The following DNAH3 variants were observed in gnomAD, a reference collection of about 807,000 sequenced individuals.
DNAH3 encodes the protein dynein axonemal heavy chain 3, also known as axonemal beta dynein heavy chain 3.
In DNAH3, 332 loss-of-function variants were observed where a neutral mutation model predicts 432.5. That is an observed-to-expected ratio of 0.77 (90% CI 0.70 to 0.84). The LOEUF (loss-of-function observed/expected upper bound fraction) is 0.84. DNAH3 is among the 40% of genes least tolerant of loss of function. The pLI, the probability that DNAH3 is intolerant of heterozygous loss-of-function variation, is 0.00. For synonymous variants in DNAH3, 1,956 were observed against 1,900.2 expected (o/e 1.03, Z -0.76); for missense variants, 4,861 against 5,114.0 (o/e 0.95, Z 1.51).
At chr16:20,962,671 T>C (rs778337696) in intron 53 of DNAH3, among the ~76,000 whole-genome samples, 1 of 152,088 alleles carries the variant, frequency 6.6e-6, no homozygotes, top group Admixed American at 6.6e-5. Context: ...TTGTTCTTTT[T>C]TGGGGGGAGG....
intron 37 of DNAH3, among the ~76,000 whole-genome samples, chr16:21,028,621 T>C (rs2088699077): frequency 6.6e-6 from 1 of 151,310 alleles, no homozygotes; most frequent in African/African-American, 2.4e-5. Flanking sequence ...GCCACTGCAC[T>C]TCATCCTGGA....
intron 41 of DNAH3, among the ~76,000 whole-genome samples, chr16:21,006,868 G>A (rs1027245046): frequency 3.3e-5 from 5 of 152,016 alleles, no homozygotes; most frequent in African/African-American, 1.2e-4. Context: ...TAGAGACGGG[G>A]TTTTTGCTAT....
intron 3 of DNAH3, 104 bp from the exon 5 acceptor site, chr16:21,141,476 G>T (rs2092718303): frequency 1.3e-6 from 1 of 796,414 alleles, no homozygotes; most frequent in Non-Finnish European, 2.0e-6. Context: ...CACACTAAGG[G>T]GAGCGGACAT....
At chr16:21,152,657 G>A (rs2092866570) in intron 1 of DNAH3, among the ~76,000 whole-genome samples, 1 of 152,244 alleles carries the variant, frequency 6.6e-6, no homozygotes, top group Non-Finnish European at 1.5e-5. Flanking sequence ...TGGAGTTCCG[G>A]GTGGGCGTGG....
chr16:21,140,812 GA>G (rs1388980202), intron 4 of DNAH3, 102 bp from the exon 6 acceptor site: 1 of 1,036,990 alleles, frequency 9.6e-7, no homozygotes, highest in Admixed American at 2.4e-5. Context: ...TCTGCAAATA[GA>G]AGCCTCTCTC....
chr16:21,148,473 T>G (rs7198224), intron 1 of DNAH3, among the ~76,000 whole-genome samples: 68,640 of 150,760 alleles, frequency 0.46, 15,960 homozygotes, highest in East Asian at 0.68. Flanking sequence ...GTTTTCGCTC[T>G]GTCGCCCAGG....
chr16:21,061,100 A>C (rs542640459), intron 25 of DNAH3, among the ~76,000 whole-genome samples: 1 of 152,060 alleles, frequency 6.6e-6, no homozygotes, highest in South Asian at 2.1e-4. Context: ...CAGCCTCCCA[A>C]AGTGCTGGGA....
At chr16:21,092,436 C>G (rs1173645024) in intron 18 of DNAH3, among the ~76,000 whole-genome samples, 1 of 151,840 alleles carries the variant, frequency 6.6e-6, no homozygotes, top group Non-Finnish European at 1.5e-5. Flanking sequence ...AAAAAAGAAT[C>G]TAGACACGGA....
intron 18 of DNAH3, among the ~76,000 whole-genome samples, chr16:21,093,126 A>C (rs989272790): frequency 1.3e-4 from 20 of 152,320 alleles, no homozygotes; most frequent in Middle Eastern, 3.4e-3. Context: ...CAAAACACTG[A>C]CAACACTAAA....
exon 30 of DNAH3, chr16:21,049,919 C>T (rs1329982490): frequency 8.7e-6 from 14 of 1,613,912 alleles, no homozygotes; most frequent in Non-Finnish European, 1.1e-5. Context: ...CCTGCTTAGC[C>T]AAGGCTTTGG....
At chr16:20,939,476 G>A (rs1302460006) in intron 59 of DNAH3, among the ~76,000 whole-genome samples, 1 of 152,118 alleles carries the variant, frequency 6.6e-6, no homozygotes, top group Non-Finnish European at 1.5e-5. Flanking sequence ...GCTGGGCGTG[G>A]TGGCAGGCAC....
At chr16:21,069,765 G>A (rs1567736825) in intron 22 of DNAH3, among the ~76,000 whole-genome samples, 171 bp from the exon 23 acceptor site, 1 of 152,304 alleles carries the variant, frequency 6.6e-6, no homozygotes, top group East Asian at 1.9e-4. Flanking sequence ...TCCAGGTGAT[G>A]AGAACATAGC....
chr16:20,982,774 C>CA lies in DNAH3; in HGVS notation c.7805dup (p.Leu2602PhefsTer4). ...CATCCTCTAGAAATTTGTTAGCCAC[C>CA]AACTCTAGGGCATCTGTGGGCCAGG... On this transcript the variant is annotated frameshift_variant, in exon 49 of 62. Coordinates refer to ENST00000261383, the Ensembl canonical transcript of DNAH3. LOFTEE classifies it high-confidence loss of function. 6.2e-7 allele frequency: 1 copy of CA among 1,614,110 alleles called. No homozygotes were observed.
intron 21 of DNAH3, among the ~76,000 whole-genome samples, chr16:21,071,162 C>A (rs751854235): frequency 4.6e-5 from 7 of 152,138 alleles, no homozygotes; most frequent in African/African-American, 1.4e-4. Flanking sequence ...CCTGCCTCAG[C>A]CTCCTGAATA....
exon 5 of DNAH3, chr16:21,140,583 T>C: frequency 6.2e-7 from 1 of 1,614,118 alleles, no homozygotes; most frequent in Non-Finnish European, 8.5e-7. Context: ...TCCATTTCCA[T>C]CTCCTGCTGT....
At chr16:20,987,267 C>G in intron 47 of DNAH3, 38 bp downstream of exon 47, 1 of 1,610,206 alleles carries the variant, frequency 6.2e-7, no homozygotes, top group South Asian at 1.1e-5. Flanking sequence ...ACACTTGGAA[C>G]CATTTCTGAG....
intron 3 of DNAH3, 27 bp downstream of exon 4, chr16:21,145,154 G>A (rs1352703395): frequency 1.3e-6 from 2 of 1,564,536 alleles, no homozygotes; most frequent in African/African-American, 2.7e-5. Context: ...GCCCCATTCT[G>A]CAAGGGTGTG....
chr16:21,079,214 A>G (rs561018597), intron 20 of DNAH3, among the ~76,000 whole-genome samples: 1 of 152,326 alleles, frequency 6.6e-6, no homozygotes, highest in East Asian at 1.9e-4. Context: ...TGAAATGTTC[A>G]TTCTTTCGGT....
At chr16:20,965,406 G>A (rs1161370763) in exon 53 of DNAH3, 3 of 1,524,630 alleles carry the variant, frequency 2.0e-6, no homozygotes, top group African/African-American at 1.4e-5. Flanking sequence ...ATACCCCCCA[G>A]TAATCTTCTA....
Sources: allele counts gnomAD v4.1 joint callset (sites outside exome capture counted in the v4.1 genomes callset), GRCh38; gene constraint gnomAD v4.1.1; transcripts MANE v1.5; gene names NCBI Gene and HGNC (gene_info 2026-07-23, HGNC 2026-07-21).